Variants in GALNT17 observed in about 807,000 individuals in gnomAD.
GALNT17 encodes the protein polypeptide N-acetylgalactosaminyltransferase 17, also known as UDP-GalNAc:polypeptide N-acetylgalactosaminyltransferase-like 3.
Under a neutral mutation model 63.7 loss-of-function variants are expected in GALNT17, and 29 were observed. The ratio of observed to expected loss-of-function variants is 0.46; its 90% CI spans 0.34 to 0.62. The LOEUF (loss-of-function observed/expected upper bound fraction) is 0.62, where lower values mean the gene tolerates loss of function less well. GALNT17 is among the 20% of genes least tolerant of loss of function. The probability of loss-of-function intolerance (pLI) is 0.01; values close to 1 mark genes in which losing one functional copy is unlikely to be tolerated. For synonymous variants in GALNT17, 305 were observed against 318.3 expected (o/e 0.96, Z 0.45); for missense variants, 603 against 799.6 (o/e 0.75, Z 2.97).
At chr7:71,518,782 G>A (rs551358035) in intron 5 of GALNT17, among the ~76,000 whole-genome samples, 14 of 152,248 alleles carry the variant, frequency 9.2e-5, no homozygotes, top group East Asian at 1.9e-4. Context: ...GAAGGGAGTC[G>A]GAAGATTCTC....
chr7:71,360,484 A>G (rs533614971), intron 2 of GALNT17, among the ~76,000 whole-genome samples: 6,468 of 152,282 alleles, frequency 0.042, 234 homozygotes, highest in East Asian at 0.1. Context: ...CACTTTAATT[A>G]CTGCAGATAT....
chr7:71,133,081 G>A (rs745434302), intron 1 of GALNT17, 41 bp downstream of exon 1: 114 of 1,472,010 alleles, frequency 7.7e-5, no homozygotes, highest in Non-Finnish European at 9.6e-5. Flanking sequence ...CGACGCGGGC[G>A]GGCCGGGCAC....
Position 71,621,553 on chromosome 7 carries a change from A to AGATGGATGGATGGATGGATG in GALNT17, c.1081-43839_1081-43820dup, listed in dbSNP as rs71089967. Among the ~76,000 whole-genome samples, 78 of 143,038 alleles carry AGATGGATGGATGGATGGATG rather than the reference A, an allele frequency of 5.5e-4. 1 individual carries two copies. The highest frequency in any genetic ancestry group is 1.8e-3 in the South Asian group (8 of 4,348). The allele number at this position is 143,038 out of a possible 152,430, so 93.8% of individuals were successfully genotyped here. The stretch of plus-strand genomic sequence containing the variant: ...TGGATGGATTGATGGATTGATGGAT[A>AGATGGATGGATGGATGGATG]GATGGATGGATGGATGGATGGATGG... On this transcript the variant is annotated intron_variant, in intron 6 of 10. Transcript: ENST00000333538.
intron 1 of GALNT17, among the ~76,000 whole-genome samples, chr7:71,185,743 G>A (rs912817511): frequency 6.6e-6 from 1 of 152,020 alleles, no homozygotes; most frequent in Non-Finnish European, 1.5e-5. Flanking sequence ...TCCTGACCTC[G>A]TGATCCGCCC....
At chr7:71,619,591 C>T (rs1411838669) in intron 6 of GALNT17, among the ~76,000 whole-genome samples, 1 of 151,928 alleles carries the variant, frequency 6.6e-6, no homozygotes, top group East Asian at 1.9e-4. Context: ...TCACCCTCAG[C>T]CTGGAGATTG....
intron 6 of GALNT17, among the ~76,000 whole-genome samples, chr7:71,629,113 G>T (rs1395501316): frequency 1.3e-5 from 2 of 152,044 alleles, no homozygotes; most frequent in African/African-American, 4.8e-5. Context: ...GGAGAAGAAG[G>T]AAAGATTGTT....
At chr7:71,582,985 G>A (rs1259438007) in intron 6 of GALNT17, among the ~76,000 whole-genome samples, 1 of 151,982 alleles carries the variant, frequency 6.6e-6, no homozygotes, top group Non-Finnish European at 1.5e-5. Flanking sequence ...AAAACAAATT[G>A]GGAAAGTAGG....
rs10539122 is a variant in GALNT17 at position 71,564,278 on chromosome 7, C to CTTTTTTTTTTTTTTTTTTTTT, written c.963-7003_963-6983dup. Among the ~76,000 whole-genome samples the CTTTTTTTTTTTTTTTTTTTTT allele has an allele frequency of 1.6e-3, 157 of 98,006 alleles. 1 individual carries two copies. Among genetic ancestry groups the CTTTTTTTTTTTTTTTTTTTTT allele is most frequent in the Non-Finnish European group, 2.3e-3 (118 of 52,108 alleles). The allele number at this position is 98,006 out of a possible 152,430, so 64.3% of individuals were successfully genotyped here. A position where few individuals can be genotyped will look rare whatever the true frequency, so the allele number is the denominator to read the frequency against. On this transcript the variant is annotated intron_variant, in intron 5 of 10. Transcript: ENST00000333538. ...TCTTTCTTTTTTTTTCTTTTCTTTT[C>CTTTTTTTTTTTTTTTTTTTTT]TTTTTTTTTTTTTTTTTTTTTTTTG...
chr7:71,583,161 C>G (rs926717230), intron 6 of GALNT17, among the ~76,000 whole-genome samples: 2 of 152,140 alleles, frequency 1.3e-5, no homozygotes, highest in Non-Finnish European at 2.9e-5. Context: ...GTAGCAGGAT[C>G]GCGACTCACT....
intron 3 of GALNT17, among the ~76,000 whole-genome samples, chr7:71,392,537 C>T (rs1476874909): frequency 6.6e-6 from 1 of 152,158 alleles, no homozygotes; most frequent in Non-Finnish European, 1.5e-5. Context: ...CTATTTGATG[C>T]TTACGTAGCT....
intron 6 of GALNT17, among the ~76,000 whole-genome samples, chr7:71,611,655 AC>A: frequency 6.6e-6 from 1 of 152,202 alleles, no homozygotes; most frequent in East Asian, 1.9e-4. Flanking sequence ...TCCAAAAAAA[AC>A]ACGCACTTGC....
At chr7:71,538,485 A>C (rs1487319840) in intron 5 of GALNT17, among the ~76,000 whole-genome samples, 1 of 152,186 alleles carries the variant, frequency 6.6e-6, no homozygotes. Flanking sequence ...TTACAGAGCA[A>C]AGTGCACCAA....
chr7:71,689,053 A>C (rs930155273), intron 9 of GALNT17, among the ~76,000 whole-genome samples: 6 of 152,040 alleles, frequency 3.9e-5, no homozygotes, highest in African/African-American at 1.4e-4. Context: ...AGTATCTTTG[A>C]TGTTACTATT....
chr7:71,546,677 C>T (rs1249470124), intron 5 of GALNT17, among the ~76,000 whole-genome samples: 1 of 152,218 alleles, frequency 6.6e-6, no homozygotes, highest in Admixed American at 6.5e-5. Flanking sequence ...TACTCTTACT[C>T]ACCTAAAAGC....
chr7:71,587,107 A>C (rs556756154), intron 6 of GALNT17, among the ~76,000 whole-genome samples: 1 of 152,162 alleles, frequency 6.6e-6, no homozygotes, highest in East Asian at 1.9e-4. Flanking sequence ...AGCTCACTGC[A>C]ACCTCTGCCT....
At chr7:71,387,897 G>C (rs1043093348) in intron 2 of GALNT17, among the ~76,000 whole-genome samples, 1 of 152,108 alleles carries the variant, frequency 6.6e-6, no homozygotes, top group African/African-American at 2.4e-5. Flanking sequence ...CTTTGTTTCA[G>C]GCTCTGTTTC....
chr7:71,642,062 G>C (rs1434285061), intron 6 of GALNT17, among the ~76,000 whole-genome samples: 2 of 152,120 alleles, frequency 1.3e-5, no homozygotes, highest in East Asian at 3.9e-4. Flanking sequence ...CCCCCACTAT[G>C]GGACAGGGCT....
intron 5 of GALNT17, among the ~76,000 whole-genome samples, chr7:71,460,144 G>A (rs1049511876): frequency 2.0e-5 from 3 of 152,068 alleles, no homozygotes; most frequent in African/African-American, 7.2e-5. Context: ...GCTGTGTCAC[G>A]GGCCATGGTC....
At chr7:71,490,290 T>G (rs902875386) in intron 5 of GALNT17, among the ~76,000 whole-genome samples, 1 of 151,502 alleles carries the variant, frequency 6.6e-6, no homozygotes, top group African/African-American at 2.4e-5. Flanking sequence ...TCTGGAACAG[T>G]ACTCATGGCC....
Sources: gnomAD v4.1 joint callset for allele counts (sites outside exome capture counted in the v4.1 genomes callset) on GRCh38, gnomAD v4.1.1 for gene constraint, MANE v1.5 for transcripts, NCBI Gene and HGNC (gene_info 2026-07-23, HGNC 2026-07-21) for gene names.